KRT38: variants seen among roughly 807,000 people sequenced by gnomAD.
The protein encoded by KRT38 is keratin, type I cuticular Ha8.
KRT38 carries 45 observed loss-of-function variants against 43.1 expected under a neutral mutation model. The ratio of observed to expected loss-of-function variants is 1.04; its 90% CI spans 0.82 to 1.34. KRT38 has a LOEUF of 1.34. Among genes scored for constraint, KRT38 ranks in the 40% most tolerant of loss-of-function variants. The probability of loss-of-function intolerance (pLI) is 0.00; values close to 1 mark genes in which losing one functional copy is unlikely to be tolerated. For synonymous variants in KRT38, 258 were observed against 244.0 expected (o/e 1.06, Z -0.53); for missense variants, 627 against 586.2 (o/e 1.07, Z -0.72).
In KRT38 at chr17:41,440,851, G is replaced by A. The variant is rs370945067; in HGVS notation, c.71C>T (p.Ser24Phe). ...GCACCCAATGTCGATGGGAGAGACA[G>A]AGACATTTCTTGCTCCAGGAGCCAT... ...CTMAPGARNV[S>F]VSPIDIGCQP... is the part of the protein sequence containing the mutation. The change falls in exon 1 of 7, where the codon TCT becomes TTT. Residue 24 changes from serine to phenylalanine, a missense_variant. Transcript: ENST00000246646. 3.3e-5 allele frequency: 53 copies of A among 1,590,850 alleles called. No homozygotes were observed. The African/African-American group carries it at 6.0e-4, about 18-fold the overall frequency.
rs771256605 is a variant in KRT38 at position 41,438,525 on chromosome 17, G to A, written c.986C>T (p.Ala329Val). 4 of 1,614,100 alleles carry A rather than the reference G, an allele frequency of 2.5e-6. No homozygotes were observed. Among genetic ancestry groups the A allele is most frequent in the Non-Finnish European group, 3.4e-6 (4 of 1,179,996 alleles). Residue 329 changes from alanine to valine, a missense_variant, in exon 5 of 7, where the codon GCC (alanine) becomes GTC (valine). Transcript: ENST00000246646. ...EILELRCTVN[A>V]LEVERQAQHT... ...CTGGGCTTGGCGCTCCACCTCCAGG[G>A]CATTCACCGTGCATCTCAGCTCCAG...
chr17:41,438,447 T>C (rs761986888), intron 5 of KRT38, 44 bp downstream of exon 5: 5 of 1,613,886 alleles, frequency 3.1e-6, no homozygotes, highest in South Asian at 2.2e-5. Context: ...TACTAGGCCA[T>C]GGCACGGGGC....
At chr17:41,438,884 A>G (rs374130393) in intron 3 of KRT38, 26 bp from the exon 4 acceptor site, 1 of 1,611,634 alleles carries the variant, frequency 6.2e-7, no homozygotes, top group Non-Finnish European at 8.5e-7. Flanking sequence ...AGGGACAGAC[A>G]GCCTGCATGA....
chr17:41,440,144 T>C lies in KRT38; in HGVS notation c.575+17A>G, dbSNP rs1427085034. On this transcript the variant is annotated intron_variant, in intron 2 of 6. Transcript: ENST00000246646. ...GGTGGGGAAGGAGTCACCCTGGCCCTCCTCCGCCTGACTTACTTGATCCTA... is the reference window on the plus strand; with the variant it reads ...GGTGGGGAAGGAGTCACCCTGGCCCCCCTCCGCCTGACTTACTTGATCCTA... The C allele has an allele frequency of 6.2e-7, 1 of 1,610,066 alleles. No homozygotes were observed. Among genetic ancestry groups the C allele is most frequent in the Admixed American group, 1.7e-5 (1 of 59,976 alleles).
chr17:41,440,395 C>G (rs777999175), intron 1 of KRT38, 35 bp downstream of exon 1: 1 of 1,605,576 alleles, frequency 6.2e-7, no homozygotes, highest in Admixed American at 1.7e-5. Context: ...TCTGCCATCT[C>G]AGACCCAGCA....
Position 41,438,250 on chromosome 17 carries a change from T to A in KRT38, c.1084A>T (p.Met362Leu). The change falls in exon 6 of 7, where the codon ATG becomes TTG. Residue 362 changes from methionine to leucine, a missense_variant. Transcript: ENST00000246646. ...EDRFGTELAQ[M>L]QSLISNVEEQ... ...TCCACGTTGCTGATGAGGCTCTGCATCTGGGCCAGCTCCGTGCCGAAGCGG... is the reference window on the plus strand; with the variant it reads ...TCCACGTTGCTGATGAGGCTCTGCAACTGGGCCAGCTCCGTGCCGAAGCGG... 6.2e-7 allele frequency: 1 copy of A among 1,614,200 alleles called. No homozygotes were observed. The highest frequency in any genetic ancestry group is 8.5e-7 in the Non-Finnish European group (1 of 1,180,028).
rs2018785216 is a variant in KRT38 at position 41,440,567 on chromosome 17, G to A, written c.355C>T (p.Leu119=). ...TGCTCCAGCTGGCGCACCTTCTCCAGGTAGTTGGCCAGGCGGTCATTCAGG... is the reference window on the plus strand; with the variant it reads ...TGCTCCAGCTGGCGCACCTTCTCCAAGTAGTTGGCCAGGCGGTCATTCAGG... ...QFLNDRLANY[L]EKVRQLEQEN... The change falls in exon 1 of 7, where the codon CTG becomes TTG. Residue 119 remains leucine, a synonymous_variant. Transcript: ENST00000246646. The A allele has an allele frequency of 5.0e-6, 8 of 1,614,106 alleles. No homozygotes were observed. The highest frequency in any genetic ancestry group is 1.1e-5 in the South Asian group (1 of 91,094).
chr17:41,438,712 C>A lies in KRT38; in HGVS notation c.879G>T (p.Gln293His). 1 of 1,613,990 alleles carries A rather than the reference C, an allele frequency of 6.2e-7. No homozygotes were observed. The highest frequency in any genetic ancestry group is 8.5e-7 in the Non-Finnish European group (1 of 1,179,970). Residue 293 changes from glutamine to histidine, a missense_variant, in exon 4 of 7, where the codon CAG becomes CAT. Gln to His is a conservative substitution (Grantham distance 24, BLOSUM62 0). Transcript: ENST00000246646. ...CCCCACTCACCTGGGCTTGGAACCACTGTTCCACATCCTGGCGGTTGGTCT... is the reference window on the plus strand; with the variant it reads ...CCCCACTCACCTGGGCTTGGAACCAATGTTCCACATCCTGGCGGTTGGTCT... ...MLETNRQDVE[Q>H]WFQAQSEGIS...
chr17:41,437,657 G>T, intron 6 of KRT38, 116 bp from the exon 7 acceptor site: 1 of 1,121,716 alleles, frequency 8.9e-7, no homozygotes, highest in Non-Finnish European at 1.2e-6. Flanking sequence ...GGACCCAGCT[G>T]GACCCTGTGA....
chr17:41,438,334 A>T (rs770816677), intron 5 of KRT38, 21 bp from the exon 6 acceptor site: 9 of 1,610,116 alleles, frequency 5.6e-6, no homozygotes, highest in Non-Finnish European at 5.9e-6. Flanking sequence ...AAATAAGGGG[A>T]TAAAATATAC....
rs1240877607 is a variant in KRT38, at chr17:41,437,250, A to AAAGGAAGG, written c.*154_*161dup. The AAAGGAAGG allele has an allele frequency of 4.2e-6, 3 of 722,584 alleles. No individual in the cohort carries two copies. Among genetic ancestry groups the AAAGGAAGG allele is most frequent in the Non-Finnish European group, 5.9e-6 (3 of 506,922 alleles). The allele number at this position is 722,584 out of a possible 1,614,324, so 44.8% of individuals were successfully genotyped here. On this transcript the variant is annotated 3_prime_UTR_variant, in exon 7 of 7. Coordinates refer to ENST00000246646, the MANE Select transcript of KRT38 (RefSeq NM_006771.4). ...CTCACCTGGGAAAACCAAGAGCAGG[A>AAAGGAAGG]AAGGAAGGATTTCCATCAAGATTCC... is the stretch of plus-strand genomic sequence containing the variant.
rs1389089892 is a variant in KRT38 at position 41,436,777 on chromosome 17, G to A, written c.*635C>T. The A allele has an allele frequency of 1.3e-5, 2 of 152,320 alleles. No individual in the cohort carries two copies. The highest frequency in any genetic ancestry group is 2.1e-4 in the South Asian group (1 of 4,828). 9.4% of individuals were successfully genotyped at this position (152,320 alleles called of 1,614,324 possible). A position where few individuals can be genotyped will look rare whatever the true frequency, so the allele number is the denominator to read the frequency against. The stretch of plus-strand genomic sequence containing the variant: ...AAGCTATGGAAGCCATATGTAAGAG[G>A]CTGTGTTGCCACAGAAAAGGCAAGC... On this transcript the variant is annotated 3_prime_UTR_variant, in exon 7 of 7. Transcript: ENST00000246646.
In KRT38 at chr17:41,437,131, C is replaced by T. The variant is rs1184879569; in HGVS notation, c.*281G>A. 6.0e-6 allele frequency: 2 copies of T among 332,478 alleles called. No homozygotes were observed. The highest frequency in any genetic ancestry group is 5.4e-6 in the Non-Finnish European group (1 of 184,106). 20.6% of individuals were successfully genotyped at this position (332,478 alleles called of 1,614,324 possible). A position where few individuals can be genotyped will look rare whatever the true frequency, so the allele number is the denominator to read the frequency against. ...GTGCAATTTTAAATCATGCCGTGTT[C>T]CTACTCCAAAATGCTTTTCAACCTT... On this transcript the variant is annotated 3_prime_UTR_variant, in exon 7 of 7. Transcript: ENST00000246646.
chr17:41,440,348 G>C (rs763055675), intron 1 of KRT38, 82 bp downstream of exon 1: 64 of 1,597,244 alleles, frequency 4.0e-5, no homozygotes, highest in Non-Finnish European at 5.4e-5. Flanking sequence ...AGAACCCAAA[G>C]TTCTCTGAGC....
rs866530113 is a variant in KRT38 at position 41,438,993 on chromosome 17, A to C, written c.733-135T>G. 32 of 1,316,676 alleles carry C rather than the reference A, an allele frequency of 2.4e-5. No individual in the cohort carries two copies. In the South Asian group the frequency reaches 3.8e-4, roughly 15 times the overall value. 81.6% of individuals were successfully genotyped at this position (1,316,676 alleles called of 1,614,324 possible). On this transcript the variant is annotated intron_variant, in intron 3 of 6. Transcript: ENST00000246646. ...ACAAGCAAATGGGAAAGTCTTGCCCAGAGGGCATTCGGGAGAGCCCACCTG... is the reference window on the plus strand; with the variant it reads ...ACAAGCAAATGGGAAAGTCTTGCCCCGAGGGCATTCGGGAGAGCCCACCTG...
In KRT38 at chr17:41,439,721, T is replaced by G. The variant is rs570330673; in HGVS notation, c.576-362A>C. On this transcript the variant is annotated intron_variant, in intron 2 of 6. Transcript: ENST00000246646. ...AATAACCAGGTGCCTGATCGTGATC[T>G]GCGGCTCCTTATCCCTTGCTTTCAG... is the stretch of plus-strand genomic sequence containing the variant. 1.3e-3 allele frequency among the ~76,000 whole-genome samples: 197 copies of G among 152,336 alleles called. 5 individuals carry two copies. The South Asian group carries it at 0.039, about 30-fold the overall frequency.
chr17:41,437,123 G>T lies in KRT38; in HGVS notation c.*289C>A. 3.2e-6 allele frequency: 1 copy of T among 310,766 alleles called. No homozygotes were observed. Among genetic ancestry groups the T allele is most frequent in the Non-Finnish European group, 5.9e-6 (1 of 170,260 alleles). The allele number at this position is 310,766 out of a possible 1,614,324, so 19.3% of individuals were successfully genotyped here. On this transcript the variant is annotated 3_prime_UTR_variant, in exon 7 of 7. Transcript: ENST00000246646. ...AAGTGCAAGTGCAATTTTAAATCAT[G>T]CCGTGTTCCTACTCCAAAATGCTTT...
Position 41,438,833 on chromosome 17 carries a change from A to G in KRT38, c.758T>C (p.Leu253Pro), listed in dbSNP as rs762786856. ...CAGCTCAATCCGGAGCTTCTCCCCC[A>G]GCTGACTCCTCAGAATCTTTACTTC... ...EQEVKILRSQ[L>P]GEKLRIELDI... The change falls in exon 4 of 7, where the codon CTG becomes CCG. Residue 253 changes from leucine (L) to proline (P), a missense_variant. Coordinates refer to ENST00000246646, the MANE Select transcript of KRT38 (RefSeq NM_006771.4). The G allele has an allele frequency of 6.2e-7, 1 of 1,614,144 alleles. No individual in the cohort carries two copies. Among genetic ancestry groups the G allele is most frequent in the Non-Finnish European group, 8.5e-7 (1 of 1,180,016 alleles).
chr17:41,439,577 A>T (rs1340141844), intron 2 of KRT38, among the ~76,000 whole-genome samples: 2 of 152,216 alleles, frequency 1.3e-5, no homozygotes, highest in African/African-American at 4.8e-5. Context: ...CATTTTTGCC[A>T]TTGTATTCTG....
Sources: gnomAD v4.1 joint callset for allele counts (sites outside exome capture counted in the v4.1 genomes callset) on GRCh38, gnomAD v4.1.1 for gene constraint, MANE v1.5 for transcripts, NCBI Gene and HGNC (gene_info 2026-07-23, HGNC 2026-07-21) for gene names.